Variants in CNTNAP2 observed in about 807,000 individuals in gnomAD.
CNTNAP2 encodes the protein contactin-associated protein-like 2.
A neutral mutation model predicts 155.2 loss-of-function variants in CNTNAP2; 98 were observed. The observed-to-expected ratio is 0.63, with a 90% CI of 0.54 to 0.75. The LOEUF (loss-of-function observed/expected upper bound fraction) is 0.75. Ranked by LOEUF, CNTNAP2 falls within the 30% of genes least tolerant of loss-of-function variation. CNTNAP2 has a pLI of 0.00. For missense variants in CNTNAP2, 1,727 were observed against 1,688.1 expected, an observed-to-expected ratio of 1.02 and a Z score of -0.40; for synonymous variants, 651 against 631.2, an observed-to-expected ratio of 1.03 and a Z score of -0.47.
chr7:146,333,375 T>C (rs1801217541), intron 1 of CNTNAP2, among the ~76,000 whole-genome samples: 1 of 152,178 alleles, frequency 6.6e-6, no homozygotes, highest in South Asian at 2.1e-4. Flanking sequence ...TTTTCAAATG[T>C]TTTGTTGACC....
At chr7:146,523,087 C>T (rs1056751517) in intron 1 of CNTNAP2, among the ~76,000 whole-genome samples, 1 of 151,920 alleles carries the variant, frequency 6.6e-6, no homozygotes, top group African/African-American at 2.4e-5. Flanking sequence ...TCCTGGCGCA[C>T]CCATCACCTG....
intron 15 of CNTNAP2, among the ~76,000 whole-genome samples, chr7:148,106,557 C>T (rs113306763): frequency 0.012 from 1,706 of 146,558 alleles, 35 homozygotes; most frequent in African/African-American, 0.041. Context: ...GACGAGGTCT[C>T]ACTATGTCGC....
rs895015965 is a variant in CNTNAP2 at position 146,954,109 on chromosome 7, C to T, written c.403-89798C>T. ...TCCATATAGGAAGAGGCTTTGGAAT[C>T]GTATTTCTTGCTTTGAAATTTTATT... On this transcript the variant is annotated intron_variant, in intron 3 of 23. Transcript: ENST00000361727. 3.3e-5 allele frequency among the ~76,000 whole-genome samples: 5 copies of T among 152,002 alleles called. No homozygotes were observed. In the South Asian group the frequency reaches 6.2e-4, roughly 19 times the overall value.
At chr7:146,173,790 T>C (rs141024395) in intron 1 of CNTNAP2, among the ~76,000 whole-genome samples, 1 of 152,192 alleles carries the variant, frequency 6.6e-6, no homozygotes, top group African/African-American at 2.4e-5. Flanking sequence ...ATGTGTTAGT[T>C]GAAAACAGAT....
chr7:148,173,410 A>C (rs1357827583), intron 18 of CNTNAP2, among the ~76,000 whole-genome samples: 3 of 152,248 alleles, frequency 2.0e-5, no homozygotes, highest in Non-Finnish European at 2.9e-5. Flanking sequence ...GAAGCTTTAC[A>C]TAAGTAGCCT....
chr7:146,870,327 G>A (rs1795280637), intron 3 of CNTNAP2, among the ~76,000 whole-genome samples: 2 of 151,972 alleles, frequency 1.3e-5, no homozygotes, highest in Non-Finnish European at 2.9e-5. Context: ...TATGTGTTCA[G>A]CAATGTATCC....
chr7:146,432,335 T>C (rs904862416), intron 1 of CNTNAP2, among the ~76,000 whole-genome samples: 2 of 152,148 alleles, frequency 1.3e-5, no homozygotes, highest in African/African-American at 4.8e-5. Context: ...TGTTTTTACA[T>C]ACTATAAAGT....
At chr7:146,820,316 G>A (rs1173774942) in intron 2 of CNTNAP2, among the ~76,000 whole-genome samples, 1 of 152,070 alleles carries the variant, frequency 6.6e-6, no homozygotes, top group African/African-American at 2.4e-5. Context: ...ATTATGTTTT[G>A]AGGAATTAAT....
chr7:147,220,085 G>A (rs1019227259), intron 8 of CNTNAP2, among the ~76,000 whole-genome samples: 15 of 151,526 alleles, frequency 9.9e-5, no homozygotes, highest in Middle Eastern at 3.4e-3. Context: ...CACCACACCC[G>A]GCAGGCTGCA....
intron 15 of CNTNAP2, among the ~76,000 whole-genome samples, chr7:148,042,765 G>A (rs944490913): frequency 2.0e-5 from 3 of 152,088 alleles, no homozygotes; most frequent in African/African-American, 7.2e-5. Flanking sequence ...TCCTCAATAT[G>A]CCTGCATAAT....
intron 15 of CNTNAP2, among the ~76,000 whole-genome samples, chr7:148,103,642 T>TA (rs35909892): frequency 0.46 from 69,620 of 151,980 alleles, 18,638 homozygotes; most frequent in East Asian, 0.76. Context: ...TGCTTCACAC[T>TA]AAAAACAGCA....
chr7:146,991,015 C>T (rs12703875), intron 3 of CNTNAP2, among the ~76,000 whole-genome samples: 31,346 of 151,892 alleles, frequency 0.21, 4,026 homozygotes, highest in Non-Finnish European at 0.28. Flanking sequence ...TTCTTATATC[C>T]TATAGGCAAA....
intron 2 of CNTNAP2, among the ~76,000 whole-genome samples, chr7:146,817,943 A>G (rs2129195398): frequency 6.6e-6 from 1 of 152,266 alleles, no homozygotes; most frequent in Non-Finnish European, 1.5e-5. Context: ...TTTGTTAAAA[A>G]AAGAATATAA....
rs1018720112 is a variant in CNTNAP2, at chr7:147,313,344, A to G, written c.1498+13054A>G. On this transcript the variant is annotated intron_variant, in intron 9 of 23. Transcript: ENST00000361727. ...AGACATGAAGTCCTTGCCCATGCCTATGTCCTGAATGGTAATGCCTAGGTT... is the reference window on the plus strand; with the variant it reads ...AGACATGAAGTCCTTGCCCATGCCTGTGTCCTGAATGGTAATGCCTAGGTT... Among the ~76,000 whole-genome samples, 860 of 150,568 alleles carry G rather than the reference A, an allele frequency of 5.7e-3. 10 individuals carry two copies. Among genetic ancestry groups the G allele is most frequent in the African/African-American group, 0.02 (818 of 40,886 alleles).
chr7:147,335,630 T>C (rs544318220), intron 9 of CNTNAP2, among the ~76,000 whole-genome samples: 14 of 152,224 alleles, frequency 9.2e-5, no homozygotes, highest in African/African-American at 3.1e-4. Context: ...ACGGAGGAAA[T>C]CTTGCGATCA....
intron 9 of CNTNAP2, among the ~76,000 whole-genome samples, chr7:147,393,015 T>C (rs1427123800): frequency 2.0e-5 from 3 of 151,996 alleles, no homozygotes; most frequent in Non-Finnish European, 4.4e-5. Context: ...CAGAAGACAG[T>C]GTATGACATG....
intron 1 of CNTNAP2, among the ~76,000 whole-genome samples, chr7:146,735,806 T>C (rs1168559872): frequency 7.1e-6 from 1 of 141,484 alleles, no homozygotes; most frequent in Non-Finnish European, 1.5e-5. Flanking sequence ...AAATTTTAGC[T>C]AGAGAGCGGG....
intron 13 of CNTNAP2, chr7:147,831,941 C>T (rs916754269): frequency 6.6e-6 from 1 of 152,028 alleles, no homozygotes; most frequent in African/African-American, 2.4e-5. Context: ...GACTGTTACA[C>T]ATGGCATACC....
chr7:147,660,650 A>G (rs957105798), intron 13 of CNTNAP2, among the ~76,000 whole-genome samples: 16 of 152,150 alleles, frequency 1.1e-4, no homozygotes, highest in African/African-American at 3.6e-4. Flanking sequence ...ACTGGTGCAT[A>G]TTGATCATCT....
Sources: allele counts gnomAD v4.1 joint callset (sites outside exome capture counted in the v4.1 genomes callset), GRCh38; gene constraint gnomAD v4.1.1; transcripts MANE v1.5; gene names NCBI Gene and HGNC (gene_info 2026-07-23, HGNC 2026-07-21).